Variants in IQGAP1 observed in about 807,000 individuals in gnomAD.
The protein encoded by IQGAP1 is IQ motif containing GTPase activating protein 1.
Under a neutral mutation model 215.6 loss-of-function variants are expected in IQGAP1, and 66 were observed. The observed-to-expected ratio is 0.31, with a 90% CI of 0.25 to 0.38. The LOEUF is 0.38. IQGAP1 is among the 10% of genes least tolerant of loss of function. The probability of loss-of-function intolerance (pLI) is 1.00; values close to 1 mark genes in which losing one functional copy is unlikely to be tolerated. For missense variants in IQGAP1, 1,712 were observed against 1,997.1 expected (o/e 0.86, Z 2.72); for synonymous variants, 772 against 728.7 (o/e 1.06, Z -0.96).
At chr15:90,452,738 A>C (rs749175023) in intron 11 of IQGAP1, 37 bp from the exon 12 acceptor site, 2 of 1,606,636 alleles carry the variant, frequency 1.2e-6, no homozygotes, top group South Asian at 2.2e-5. Flanking sequence ...AGGGCTCTCT[A>C]AGCCCACTGC....
chr15:90,459,010 C>T (rs193079072), intron 15 of IQGAP1, among the ~76,000 whole-genome samples: 68 of 152,298 alleles, frequency 4.5e-4, no homozygotes, highest in Admixed American at 1.0e-3. Context: ...AGAGCCCACA[C>T]GAGTGTCAGT....
Position 90,461,295 on chromosome 15 carries a change from G to A in IQGAP1, c.1777-4706G>A, listed in dbSNP as rs544883816. 2.3e-3 allele frequency among the ~76,000 whole-genome samples: 336 copies of A among 146,144 alleles called. 1 individual carries two copies. The highest frequency in any genetic ancestry group is 7.2e-3 in the Middle Eastern group (2 of 276). On this transcript the variant is annotated intron_variant, in intron 15 of 37. Transcript: ENST00000268182. ...GCTTGGGTGACAAGAGTGAAACTCC[G>A]TCTCAAAAAAAGAAAAACTGATGCT...
intron 2 of IQGAP1, chr15:90,391,170 C>T (rs1031952002): frequency 7.8e-5 from 20 of 257,154 alleles, no homozygotes; most frequent in Middle Eastern, 1.5e-3. Flanking sequence ...TCCGGGAGGT[C>T]GAGGCAGCAG....
chr15:90,451,406 A>G (rs2151023272), intron 11 of IQGAP1, among the ~76,000 whole-genome samples: 1 of 152,302 alleles, frequency 6.6e-6, no homozygotes, highest in East Asian at 1.9e-4. Context: ...TCATGTGAAG[A>G]GAGACTGATC....
intron 2 of IQGAP1, among the ~76,000 whole-genome samples, chr15:90,393,267 A>T (rs576989998): frequency 1.3e-5 from 2 of 152,140 alleles, no homozygotes; most frequent in Non-Finnish European, 2.9e-5. Flanking sequence ...CAACTTCCTT[A>T]TATAAAATGG....
At chr15:90,497,990 G>A (rs1251066251) in intron 37 of IQGAP1, among the ~76,000 whole-genome samples, 6 of 151,822 alleles carry the variant, frequency 4.0e-5, no homozygotes, top group African/African-American at 1.2e-4. Context: ...CTGCCAGCCC[G>A]GGCAGGTGCC....
At chr15:90,450,330 CTTTTTTTTTTTTT>C (rs869037347) in intron 11 of IQGAP1, among the ~76,000 whole-genome samples, 30 of 54,456 alleles carry the variant, frequency 5.5e-4, no homozygotes, top group East Asian at 1.4e-3. Context: ...TATACACTAC[CTTTTTTTTTTTTT>C]TTTTTTTTTT....
At chr15:90,468,304 G>C (rs1277398188) in intron 18 of IQGAP1, among the ~76,000 whole-genome samples, 1 of 152,006 alleles carries the variant, frequency 6.6e-6, no homozygotes, top group Non-Finnish European at 1.5e-5. Context: ...GCCTCAAGTG[G>C]TCCACCCGCC....
intron 26 of IQGAP1, among the ~76,000 whole-genome samples, chr15:90,480,215 T>C (rs1440709235): frequency 1.7e-5 from 2 of 117,704 alleles, no homozygotes; most frequent in African/African-American, 8.2e-5. Flanking sequence ...GTAGACCCCA[T>C]ATCTTAAAAA....
At chr15:90,494,492 A>G (rs1056709382) in intron 35 of IQGAP1, 2 of 307,912 alleles carry the variant, frequency 6.5e-6, no homozygotes, top group African/African-American at 4.4e-5. Flanking sequence ...GTTCTCAAAT[A>G]TAATTTAAAC....
At chr15:90,462,709 T>C (rs1388719989) in intron 15 of IQGAP1, among the ~76,000 whole-genome samples, 1 of 152,300 alleles carries the variant, frequency 6.6e-6, no homozygotes, top group Non-Finnish European at 1.5e-5. Flanking sequence ...TTCCCCCTTT[T>C]CCTGTGTTTG....
chr15:90,401,078 C>T (rs2151003260), intron 2 of IQGAP1, among the ~76,000 whole-genome samples: 1 of 152,224 alleles, frequency 6.6e-6, no homozygotes, highest in South Asian at 2.1e-4. Flanking sequence ...GACTTGGTTG[C>T]CTAGAGACCA....
At chr15:90,434,967 C>T (rs1320944215) in intron 5 of IQGAP1, among the ~76,000 whole-genome samples, 1 of 152,158 alleles carries the variant, frequency 6.6e-6, no homozygotes, top group East Asian at 1.9e-4. Context: ...TTGGGCTGCA[C>T]TTCTTATATG....
At chr15:90,397,858 T>G (rs1296230200) in intron 2 of IQGAP1, 2 of 143,754 alleles carry the variant, frequency 1.4e-5, no homozygotes, top group Admixed American at 7.1e-5. Flanking sequence ...ATAAAGGATA[T>G]CCTGAATTTT....
intron 28 of IQGAP1, chr15:90,482,778 A>C: frequency 1.0e-6 from 1 of 961,450 alleles, no homozygotes; most frequent in Non-Finnish European, 1.2e-6. Flanking sequence ...TTCTGAATGA[A>C]ACTCTAGGGG....
chr15:90,445,412 A>G (rs1000621078), intron 9 of IQGAP1, among the ~76,000 whole-genome samples: 1 of 152,080 alleles, frequency 6.6e-6, no homozygotes, highest in African/African-American at 2.4e-5. Flanking sequence ...ATCCAGTTCA[A>G]TTTTCACTTC....
At chr15:90,456,908 ATATG>A (rs201223049) in intron 15 of IQGAP1, among the ~76,000 whole-genome samples, 1 of 98,514 alleles carries the variant, frequency 1.0e-5, no homozygotes, top group Non-Finnish European at 2.2e-5. Context: ...ATATATATAT[ATATG>A]TGTGTGTGTG....
intron 37 of IQGAP1, among the ~76,000 whole-genome samples, chr15:90,498,609 C>G (rs145693734): frequency 8.3e-4 from 126 of 152,118 alleles, no homozygotes; most frequent in Middle Eastern, 6.8e-3. Flanking sequence ...CATGGAGCTG[C>G]TAGGATTTTT....
chr15:90,416,581 T>G (rs1965052250), intron 2 of IQGAP1, among the ~76,000 whole-genome samples: 1 of 55,298 alleles, frequency 1.8e-5, no homozygotes, highest in Admixed American at 1.4e-4. Context: ...TTCCTGACTT[T>G]TTTTTTTTTT....
Sources: allele counts gnomAD v4.1 joint callset (sites outside exome capture counted in the v4.1 genomes callset), GRCh38; gene constraint gnomAD v4.1.1; transcripts MANE v1.5; gene names NCBI Gene and HGNC (gene_info 2026-07-23, HGNC 2026-07-21).